The following PRAG1 variants were observed in gnomAD, a reference collection of about 807,000 sequenced individuals.
PRAG1 encodes inactive tyrosine-protein kinase PRAG1.
A neutral mutation model predicts 95.6 loss-of-function variants in PRAG1; 110 were observed. That is an observed-to-expected ratio of 1.15 (90% CI 0.99 to 1.35). PRAG1 has a LOEUF of 1.35. Among genes scored for constraint, PRAG1 ranks in the 40% most tolerant of loss-of-function variants. PRAG1 has a pLI of 0.00. For missense variants in PRAG1, 2,554 were observed against 1,864.7 expected, an observed-to-expected ratio of 1.37 and a Z score of -6.81; for synonymous variants, 1,052 against 819.4, an observed-to-expected ratio of 1.28 and a Z score of -4.85.
rs1798358687 is a variant in PRAG1 at position 8,318,585 on chromosome 8, G to C, written c.3790C>G (p.Leu1264Val). Residue 1264 changes from leucine to valine, a missense_variant, in exon 6 of 6, where the codon CTG becomes GTG. Physicochemically the swap from Leu to Val is conservative, Grantham distance 32. Coordinates refer to ENST00000615670, the MANE Select transcript of PRAG1 (RefSeq NM_001080826.3). The surrounding 1 kb of genome is among the most constrained non-coding windows in gnomAD (Gnocchi z 4.2). ...TCGAACGGGTTGGGTTGGTGCAGCA[G>C]CTCGTAGATGAGGATGCCTGTCTGG... ...EFQTGILIYE[L>V]LHQPNPFEVR... is the part of the protein sequence containing the mutation. The C allele has an allele frequency of 6.2e-7, 1 of 1,613,630 alleles. No individual in the cohort carries two copies. Among genetic ancestry groups the C allele is most frequent in the Non-Finnish European group, 8.5e-7 (1 of 1,179,936 alleles).
chr8:8,366,344 A>C (rs1267383456), intron 3 of PRAG1, among the ~76,000 whole-genome samples: 1 of 136,128 alleles, frequency 7.3e-6, no homozygotes, highest in Non-Finnish European at 1.6e-5. Flanking sequence ...ACGGAGTTTC[A>C]CTCTTGTCAT....
rs1798331853 is a variant in PRAG1, at chr8:8,318,054, T to C, written c.*100A>G. 1.9e-6 allele frequency: 2 copies of C among 1,076,342 alleles called. No individual in the cohort carries two copies. Among genetic ancestry groups the C allele is most frequent in the Non-Finnish European group, 2.6e-6 (2 of 770,116 alleles). 66.7% of individuals were successfully genotyped at this position (1,076,342 alleles called of 1,614,324 possible). A position where few individuals can be genotyped will look rare whatever the true frequency, so the allele number is the denominator to read the frequency against. ...TATATTTTACATCCAGGTATCCCAGTCATCTGTACCATTTCCCAGGGAGAC... is the reference window on the plus strand; with the variant it reads ...TATATTTTACATCCAGGTATCCCAGCCATCTGTACCATTTCCCAGGGAGAC... On this transcript the variant is annotated 3_prime_UTR_variant, in exon 6 of 6. Coordinates refer to ENST00000615670, the MANE Select transcript of PRAG1 (RefSeq NM_001080826.3). This position sits in a 1 kb window ranked among gnomAD's most constrained non-coding sequence, Gnocchi z 4.2.
intron 3 of PRAG1, among the ~76,000 whole-genome samples, chr8:8,347,561 G>A (rs1227184320): frequency 2.0e-5 from 3 of 151,872 alleles, no homozygotes; most frequent in Non-Finnish European, 4.4e-5. Context: ...TAAGCAATTC[G>A]AGTTTTCTTG....
chr8:8,352,925 T>C (rs1052604525), intron 3 of PRAG1, among the ~76,000 whole-genome samples: 1 of 152,164 alleles, frequency 6.6e-6, no homozygotes, highest in African/African-American at 2.4e-5. Context: ...GCAATACTTA[T>C]ATGAGATAAA....
In PRAG1 at chr8:8,318,229, C is replaced by A; in HGVS notation, c.4146G>T (p.Trp1382Cys). 6.2e-7 allele frequency: 1 copy of A among 1,614,208 alleles called. No individual in the cohort carries two copies. Among genetic ancestry groups the A allele is most frequent in the Non-Finnish European group, 8.5e-7 (1 of 1,180,034 alleles). The change falls in exon 6 of 6, where the codon TGG becomes TGT. Residue 1382 changes from tryptophan (W) to cysteine (C), a missense_variant. Coordinates refer to ENST00000615670, the MANE Select transcript of PRAG1 (RefSeq NM_001080826.3). This position sits in a 1 kb window ranked among gnomAD's most constrained non-coding sequence, Gnocchi z 4.2. Reference sequence around the variant, plus strand: ...CAGACGCCAGGTACTGGCAGCAAAGCCAGTCCTCCAGCTCCACGCCCCGCC... The same window carrying A: ...CAGACGCCAGGTACTGGCAGCAAAGACAGTCCTCCAGCTCCACGCCCCGCC... The part of the protein sequence containing the change: ...DRRRGVELED[W>C]LCCQYLASAE...
intron 4 of PRAG1, among the ~76,000 whole-genome samples, chr8:8,332,519 C>G (rs754016745): frequency 3.3e-5 from 5 of 152,036 alleles, no homozygotes; most frequent in Admixed American, 6.6e-5. Flanking sequence ...AAGCATACTG[C>G]ATTCCAACCT....
At chr8:8,382,225 G>C (rs945288404) in intron 1 of PRAG1, among the ~76,000 whole-genome samples, 33 of 152,120 alleles carry the variant, frequency 2.2e-4, no homozygotes, top group Non-Finnish European at 2.5e-4. Context: ...CTAGAGTCTG[G>C]GACGCTGACC....
intron 2 of PRAG1, among the ~76,000 whole-genome samples, chr8:8,381,056 G>C (rs966487311): frequency 1.3e-5 from 2 of 152,004 alleles, no homozygotes; most frequent in South Asian, 4.2e-4. Context: ...CATATTGAAG[G>C]GTATTGGGTG....
At chr8:8,352,501 G>T (rs17604776) in intron 3 of PRAG1, among the ~76,000 whole-genome samples, 2 of 152,092 alleles carry the variant, frequency 1.3e-5, no homozygotes, top group African/African-American at 4.8e-5. Flanking sequence ...GCTGTTCCAA[G>T]CATTCATCAC....
chr8:8,325,648 T>C (rs562823157), intron 5 of PRAG1, among the ~76,000 whole-genome samples: 25 of 152,290 alleles, frequency 1.6e-4, no homozygotes, highest in African/African-American at 5.5e-4. Flanking sequence ...CGGTGGCTCA[T>C]GTCTGTAATC....
chr8:8,375,034 AT>A (rs923983676), intron 3 of PRAG1, among the ~76,000 whole-genome samples: 6 of 151,530 alleles, frequency 4.0e-5, no homozygotes, highest in East Asian at 1.9e-4. Context: ...ATCGAGAGAA[AT>A]TTTTTTTCCC....
chr8:8,385,533 G>A (rs1407884590), intron 1 of PRAG1, among the ~76,000 whole-genome samples: 1 of 152,170 alleles, frequency 6.6e-6, no homozygotes, highest in Admixed American at 6.5e-5. Flanking sequence ...AATAGTTCAG[G>A]CCAGTGATCA....
Position 8,328,064 on chromosome 8 carries a change from C to A in PRAG1, c.2718G>T (p.Gly906=). 6.3e-7 allele frequency: 1 copy of A among 1,598,000 alleles called. No individual in the cohort carries two copies. The highest frequency in any genetic ancestry group is 1.3e-5 in the African/African-American group (1 of 74,686). ...CCCCTTTGCACTGGAGGCCAGGGCT[C>A]CCGCAGCCGCCTCTGTTGCCCGCCA... The part of the protein sequence containing the change: ...AGLAGNRGGC[G]SPGLQCKGAP... The change falls in exon 5 of 6, where the codon GGG becomes GGT. Residue 906 remains glycine, a synonymous_variant. Transcript: ENST00000615670.
intron 3 of PRAG1, among the ~76,000 whole-genome samples, chr8:8,367,609 T>C (rs574300537): frequency 2.4e-4 from 36 of 152,138 alleles, no homozygotes; most frequent in South Asian, 6.2e-4. Flanking sequence ...ACTATGTCAA[T>C]TTATCTCAAC....
At position 8,384,880 on chromosome 8, in the gene PRAG1, A is replaced by G. The variant is rs770062044; in HGVS notation, c.-88+1441T>C. 5.9e-5 allele frequency among the ~76,000 whole-genome samples: 9 copies of G among 152,210 alleles called. No individual in the cohort carries two copies. In the South Asian group the frequency reaches 1.9e-3, roughly 31 times the overall value. On this transcript the variant is annotated intron_variant, in intron 1 of 5. Coordinates refer to ENST00000615670, the MANE Select transcript of PRAG1 (RefSeq NM_001080826.3). ...AGGCTGCAGTGTCAGATTAGAAAAAAGAGCTCAGCATTCTTTCTGATCCAA... is the reference window on the plus strand; with the variant it reads ...AGGCTGCAGTGTCAGATTAGAAAAAGGAGCTCAGCATTCTTTCTGATCCAA...
chr8:8,338,387 C>T (rs184094589), intron 4 of PRAG1, among the ~76,000 whole-genome samples: 2 of 152,326 alleles, frequency 1.3e-5, no homozygotes, highest in East Asian at 1.9e-4. Context: ...GTTACAATCT[C>T]CAAGAGAGTG....
chr8:8,327,980 G>C lies in PRAG1; in HGVS notation c.2802C>G (p.Thr934=). 3 of 1,598,942 alleles carry C rather than the reference G, an allele frequency of 1.9e-6. No homozygotes were observed. Among genetic ancestry groups the C allele is most frequent in the Non-Finnish European group, 2.6e-6 (3 of 1,171,278 alleles). The change falls in exon 5 of 6, where the codon ACC becomes ACG. Residue 934 remains threonine, a synonymous_variant. Transcript: ENST00000615670. ...SVSSQASTGS[T]QLQLHGLLSN... is the part of the protein sequence containing the mutation. ...TCAGGAGACCGTGCAGCTGAAGCTGGGTGCTCCCGGTGGAGGCTTGACTGG... is the reference window on the plus strand; with the variant it reads ...TCAGGAGACCGTGCAGCTGAAGCTGCGTGCTCCCGGTGGAGGCTTGACTGG...
In PRAG1 at chr8:8,377,194, C is replaced by T. The variant is rs770768202; in HGVS notation, c.1215G>A (p.Glu405=). Residue 405 remains glutamate (E), a synonymous_variant, in exon 3 of 6, where the codon GAG becomes GAA. Coordinates refer to ENST00000615670, the MANE Select transcript of PRAG1 (RefSeq NM_001080826.3). The part of the protein sequence containing the change: ...GEPQPPAHPR[E]ATQPEPIYAE... ...CATAGATGGGTTCAGGCTGTGTAGCCTCCCGGGGGTGGGCCGGGGGCTGGG... is the reference window on the plus strand; with the variant it reads ...CATAGATGGGTTCAGGCTGTGTAGCTTCCCGGGGGTGGGCCGGGGGCTGGG... The T allele has an allele frequency of 6.2e-7, 1 of 1,611,700 alleles. No homozygotes were observed. Among genetic ancestry groups the T allele is most frequent in the Non-Finnish European group, 8.5e-7 (1 of 1,179,750 alleles).
Position 8,345,444 on chromosome 8 carries a change from T to A in PRAG1, c.2163-5809A>T, listed in dbSNP as rs1301843900. Among the ~76,000 whole-genome samples, 4 of 150,314 alleles carry A rather than the reference T, an allele frequency of 2.7e-5. No individual in the cohort carries two copies. In the East Asian group the frequency reaches 7.8e-4, roughly 29 times the overall value. On this transcript the variant is annotated intron_variant, in intron 3 of 5. Coordinates refer to ENST00000615670, the MANE Select transcript of PRAG1 (RefSeq NM_001080826.3). ...GGCATTTGGAATGCTCAGTTGTAAA[T>A]GGGGATATAACAGGTCTTCCAAAAC... is the stretch of plus-strand genomic sequence containing the variant.
Sources: gnomAD v4.1 joint callset for allele counts (sites outside exome capture counted in the v4.1 genomes callset) on GRCh38, gnomAD v4.1.1 for gene constraint, Gnocchi (gnomAD v3.1) non-coding constraint, MANE v1.5 for transcripts, NCBI Gene and HGNC (gene_info 2026-07-23, HGNC 2026-07-21) for gene names.